Variants in MARCHF8 observed in about 807,000 individuals in gnomAD.
MARCHF8 encodes membrane associated ring-CH-type finger 8, also known as E3 ubiquitin-protein ligase MARCHF8.
Under a neutral mutation model 51.6 loss-of-function variants are expected in MARCHF8, and 40 were observed. That is an observed-to-expected ratio of 0.77 (90% CI 0.60 to 1.01). The LOEUF (loss-of-function observed/expected upper bound fraction) is 1.01. MARCHF8 is among the 50% of genes least tolerant of loss of function. The pLI is 0.00. For synonymous variants in MARCHF8, 263 were observed against 280.3 expected, an observed-to-expected ratio of 0.94 and a Z score of 0.62; for missense variants, 685 against 708.6, an observed-to-expected ratio of 0.97 and a Z score of 0.38.
chr10:45,533,350 G>A (rs1361158019), intron 1 of MARCHF8, 61 bp from the exon 2 acceptor site: 1 of 1,084,036 alleles, frequency 9.2e-7, no homozygotes, highest in Non-Finnish European at 1.2e-6. Flanking sequence ...ATTTCCAAGA[G>A]TGAGCTTAAC....
chr10:45,540,838 T>C (rs2044042205), intron 1 of MARCHF8, among the ~76,000 whole-genome samples: 1 of 152,170 alleles, frequency 6.6e-6, no homozygotes. Context: ...TCACTGGCCA[T>C]CAAAGAAATG....
In MARCHF8 at chr10:45,464,008, A is replaced by C; in HGVS notation, c.243-12T>G. On this transcript the variant is annotated splice_polypyrimidine_tract_variant and intron_variant, in intron 4 of 7. Transcript: ENST00000453424. ...ACACTGCACTGGAACTGCATGCAGA[A>C]CAGTGGGATAAAAGCACAGAAAGTA... 1 of 1,522,556 alleles carries C rather than the reference A, an allele frequency of 6.6e-7. No homozygotes were observed. The highest frequency in any genetic ancestry group is 8.8e-7 in the Non-Finnish European group (1 of 1,141,378). 94.3% of individuals were successfully genotyped at this position (1,522,556 alleles called of 1,614,324 possible).
At chr10:45,520,237 TGTAA>T (rs2043685579) in intron 2 of MARCHF8, among the ~76,000 whole-genome samples, 1 of 152,212 alleles carries the variant, frequency 6.6e-6, no homozygotes, top group African/African-American at 2.4e-5. Context: ...GTAAATGATA[TGTAA>T]GTGTTAGCCA....
chr10:45,561,216 A>G (rs1247623588), intron 1 of MARCHF8, among the ~76,000 whole-genome samples: 1 of 152,182 alleles, frequency 6.6e-6, no homozygotes, highest in East Asian at 1.9e-4. Flanking sequence ...GCAAGCAGAA[A>G]GAACAAACAT....
chr10:45,563,041 T>G (rs895963174), intron 1 of MARCHF8, among the ~76,000 whole-genome samples: 2 of 149,486 alleles, frequency 1.3e-5, no homozygotes, highest in Admixed American at 6.7e-5. Context: ...TTCCCCTCCC[T>G]TCCAAGACAG....
Position 45,585,072 on chromosome 10 carries a change from AGCCAAGCCTACT to A in MARCHF8, c.-79+9151_-79+9162del, listed in dbSNP as rs2044604034. ...TCCTAAGACCCAGAGCAGATAACCC[AGCCAAGCCTACT>A]GCATTTCTGACCTATAGGACCATGA... On this transcript the variant is annotated intron_variant, in intron 1 of 6. Transcript: ENST00000319836. Among the ~76,000 whole-genome samples the A allele has an allele frequency of 2.0e-5, 3 of 152,328 alleles. No individual in the cohort carries two copies. In the South Asian group the frequency reaches 6.2e-4, roughly 32 times the overall value.
chr10:45,490,093 A>C (rs2043055415), intron 2 of MARCHF8, among the ~76,000 whole-genome samples: 1 of 152,100 alleles, frequency 6.6e-6, no homozygotes, highest in South Asian at 2.1e-4. Flanking sequence ...TTTAGTTTAG[A>C]TTCTCTTCAT....
At chr10:45,464,821 T>C (rs1283823188) in intron 3 of MARCHF8, among the ~76,000 whole-genome samples, 2 of 152,178 alleles carry the variant, frequency 1.3e-5, no homozygotes, top group African/African-American at 4.8e-5. Context: ...AAAACCTCAC[T>C]GCCCTGCCAC....
At chr10:45,530,892 T>C (rs1164102116) in intron 2 of MARCHF8, among the ~76,000 whole-genome samples, 2 of 152,190 alleles carry the variant, frequency 1.3e-5, no homozygotes, top group South Asian at 2.1e-4. Flanking sequence ...AAAACTGTCA[T>C]TATAGCTGTT....
intron 2 of MARCHF8, among the ~76,000 whole-genome samples, chr10:45,504,004 G>C (rs1014868915): frequency 6.6e-6 from 1 of 152,234 alleles, no homozygotes; most frequent in African/African-American, 2.4e-5. Context: ...CTAATGGGTA[G>C]AGGGTTTCAT....
intron 6 of MARCHF8, among the ~76,000 whole-genome samples, chr10:45,460,620 T>TA (rs1458088012): frequency 6.6e-6 from 1 of 152,240 alleles, no homozygotes; most frequent in Admixed American, 6.5e-5. Flanking sequence ...AGTCAAAATT[T>TA]AAACAGGAAG....
At chr10:45,557,154 TTTCGCTC>T (rs1418782140) in intron 1 of MARCHF8, among the ~76,000 whole-genome samples, 7 of 135,588 alleles carry the variant, frequency 5.2e-5, no homozygotes, top group Non-Finnish European at 9.4e-5. Flanking sequence ...GAGACGGGAG[TTTCGCTC>T]TTGTTGCCTG....
rs1275582840 is a variant in MARCHF8, at chr10:45,535,324, T to C, written c.-192A>G. The C allele has an allele frequency of 6.6e-6, 1 of 152,242 alleles. No individual in the cohort carries two copies. The highest frequency in any genetic ancestry group is 1.5e-5 in the Non-Finnish European group (1 of 68,044). 9.4% of individuals were successfully genotyped at this position (152,242 alleles called of 1,614,324 possible). On this transcript the variant is annotated 5_prime_UTR_variant, in exon 1 of 8. Transcript: ENST00000453424. The stretch of plus-strand genomic sequence containing the variant: ...AGATGACAAACTCCATGGGGCCTCT[T>C]GGAATACTTGGTCAAACTGACGATA...
intron 2 of MARCHF8, among the ~76,000 whole-genome samples, chr10:45,523,838 A>G (rs1299176622): frequency 6.6e-6 from 1 of 152,192 alleles, no homozygotes; most frequent in Non-Finnish European, 1.5e-5. Context: ...ACTCTTAACT[A>G]GCAAACTCTC....
At chr10:45,499,562 G>A (rs1390992270) in intron 2 of MARCHF8, among the ~76,000 whole-genome samples, 2 of 152,110 alleles carry the variant, frequency 1.3e-5, no homozygotes, top group Admixed American at 1.3e-4. Context: ...GAATTTTATA[G>A]TTTTAAGTCT....
intron 1 of MARCHF8, among the ~76,000 whole-genome samples, chr10:45,567,170 G>A (rs540767767): frequency 2.0e-5 from 3 of 152,150 alleles, no homozygotes; most frequent in Non-Finnish European, 4.4e-5. Flanking sequence ...TATATACTCT[G>A]GTTATTAAGC....
intron 1 of MARCHF8, among the ~76,000 whole-genome samples, chr10:45,557,963 T>C (rs577682658): frequency 1.3e-5 from 2 of 152,306 alleles, no homozygotes; most frequent in East Asian, 3.9e-4. Flanking sequence ...GCTATAAATT[T>C]GGTAATAATA....
At chr10:45,543,174 A>T (rs1241072637) in intron 1 of MARCHF8, among the ~76,000 whole-genome samples, 1 of 152,114 alleles carries the variant, frequency 6.6e-6, no homozygotes, top group African/African-American at 2.4e-5. Context: ...CTTTTCTTTG[A>T]CTTAAATGAC....
intron 2 of MARCHF8, among the ~76,000 whole-genome samples, chr10:45,512,014 C>A (rs1410422969): frequency 6.6e-6 from 1 of 151,358 alleles, no homozygotes; most frequent in East Asian, 2.0e-4. Flanking sequence ...AGCGCCTCTT[C>A]CCGGCCGTCA....
Sources: gnomAD v4.1 joint callset for allele counts (sites outside exome capture counted in the v4.1 genomes callset) on GRCh38, gnomAD v4.1.1 for gene constraint, MANE v1.5 for transcripts, NCBI Gene and HGNC (gene_info 2026-07-23, HGNC 2026-07-21) for gene names.